The following WWOX variants were observed in gnomAD, a reference collection of about 807,000 sequenced individuals.
The protein encoded by WWOX is WW domain-containing oxidoreductase.
Under a neutral mutation model 46.2 loss-of-function variants are expected in WWOX, and 69 were observed. The ratio of observed to expected loss-of-function variants is 1.49; its 90% CI spans 1.23 to 1.82. The LOEUF (loss-of-function observed/expected upper bound fraction) is 1.82, where lower values mean the gene tolerates loss of function less well. WWOX is among the 40% of genes most tolerant of loss of function. The pLI is 0.00. For missense variants in WWOX, 919 were observed against 542.6 expected (o/e 1.69, Z -6.89); for synonymous variants, 359 against 202.6 (o/e 1.77, Z -6.56).
At chr16:78,462,242 C>CT (rs113100708) in intron 8 of WWOX, among the ~76,000 whole-genome samples, 3,506 of 146,926 alleles carry the variant, frequency 0.024, 69 homozygotes, top group African/African-American at 0.05. Context: ...TGCTCACGCT[C>CT]TTTTTTTTTT....
At chr16:78,838,808 A>C (rs942897838) in intron 8 of WWOX, among the ~76,000 whole-genome samples, 1 of 152,166 alleles carries the variant, frequency 6.6e-6, no homozygotes, top group Admixed American at 6.5e-5. Context: ...GTGCCCCTGT[A>C]CTCCAGCCTG....
At chr16:78,998,397 C>G (rs908290257) in intron 8 of WWOX, among the ~76,000 whole-genome samples, 4 of 152,176 alleles carry the variant, frequency 2.6e-5, no homozygotes, top group African/African-American at 9.7e-5. Flanking sequence ...AGCCTACTGC[C>G]TTCACAGAAG....
rs1407310755 is a variant in WWOX, at chr16:78,630,033, C to G, written c.1056+197281C>G. Among the ~76,000 whole-genome samples the G allele has an allele frequency of 2.6e-5, 4 of 152,176 alleles. No individual in the cohort carries two copies. In the East Asian group the frequency reaches 5.8e-4, roughly 22 times the overall value. On this transcript the variant is annotated intron_variant, in intron 8 of 8. Transcript: ENST00000566780. ...TTTTTCTCCTTAGCACTTACAATGTCTCACTCATGTAGACTCGAAGCTTCA... is the reference window on the plus strand; with the variant it reads ...TTTTTCTCCTTAGCACTTACAATGTGTCACTCATGTAGACTCGAAGCTTCA...
chr16:79,188,521 A>G (rs1273712643), intron 8 of WWOX, among the ~76,000 whole-genome samples: 1 of 152,200 alleles, frequency 6.6e-6, no homozygotes, highest in Admixed American at 6.5e-5. Context: ...ACAGATGACT[A>G]ATTGGAATGC....
intron 6 of WWOX, among the ~76,000 whole-genome samples, chr16:78,415,544 A>ATG (rs2082779917): frequency 6.6e-6 from 1 of 152,234 alleles, no homozygotes; most frequent in South Asian, 2.1e-4. Flanking sequence ...TCTGGTTTGA[A>ATG]TGCTTCTGAC....
At chr16:78,464,369 G>C (rs1332884475) in intron 8 of WWOX, among the ~76,000 whole-genome samples, 2 of 151,762 alleles carry the variant, frequency 1.3e-5, no homozygotes, top group South Asian at 2.1e-4. Context: ...GAGGGAAGGA[G>C]GCACAGAGGT....
At chr16:78,870,427 C>A (rs1365026189) in intron 8 of WWOX, among the ~76,000 whole-genome samples, 1 of 152,106 alleles carries the variant, frequency 6.6e-6, no homozygotes. Flanking sequence ...GCTTGAATGA[C>A]CTGCCATCAT....
chr16:78,658,653 C>T (rs1041169004), intron 8 of WWOX, among the ~76,000 whole-genome samples: 10 of 152,126 alleles, frequency 6.6e-5, no homozygotes, highest in African/African-American at 2.4e-4. Context: ...TCCGCCTCCG[C>T]CTTCACATGG....
At chr16:78,972,481 A>AAT (rs1555505505) in intron 8 of WWOX, among the ~76,000 whole-genome samples, 4 of 152,002 alleles carry the variant, frequency 2.6e-5, no homozygotes, top group African/African-American at 7.3e-5. Context: ...AAAAAAAAAA[A>AAT]AAATAAAAGA....
chr16:78,578,078 C>A (rs1202218055), intron 8 of WWOX, among the ~76,000 whole-genome samples: 2 of 151,422 alleles, frequency 1.3e-5, no homozygotes, highest in African/African-American at 4.9e-5. Flanking sequence ...CACTAGCCAC[C>A]TGCTTCCGAA....
chr16:78,338,321 G>C (rs4887955), intron 5 of WWOX, among the ~76,000 whole-genome samples: 27,495 of 120,698 alleles, frequency 0.23, 8,875 homozygotes, highest in African/African-American at 0.38. Flanking sequence ...ATTCCCAGCT[G>C]CTGAGAGTTT....
intron 8 of WWOX, among the ~76,000 whole-genome samples, chr16:78,682,764 C>G (rs28533957): frequency 0.098 from 14,847 of 152,200 alleles, 1,214 homozygotes; most frequent in African/African-American, 0.22. Context: ...CTCCCCTTCA[C>G]GGTAATTTGG....
At chr16:78,663,866 G>A (rs531427514) in intron 8 of WWOX, among the ~76,000 whole-genome samples, 15 of 152,282 alleles carry the variant, frequency 9.9e-5, no homozygotes, top group African/African-American at 3.4e-4. Flanking sequence ...AAACACACTC[G>A]ATGTGTTCAA....
intron 5 of WWOX, among the ~76,000 whole-genome samples, chr16:78,174,388 T>C (rs2035263728): frequency 6.6e-6 from 1 of 151,494 alleles, no homozygotes; most frequent in South Asian, 2.1e-4. Flanking sequence ...TTCAATTACC[T>C]CCCCCCGGGT....
intron 5 of WWOX, among the ~76,000 whole-genome samples, chr16:78,358,315 T>C (rs913269955): frequency 6.6e-6 from 1 of 152,212 alleles, no homozygotes; most frequent in Non-Finnish European, 1.5e-5. Flanking sequence ...AGAACTCTGC[T>C]AATGAATTAC....
chr16:78,907,430 A>G (rs1438791267), intron 8 of WWOX, among the ~76,000 whole-genome samples: 2 of 152,212 alleles, frequency 1.3e-5, no homozygotes, highest in African/African-American at 4.8e-5. Flanking sequence ...TCTTTAGCAG[A>G]ATTCAGGCTC....
intron 8 of WWOX, among the ~76,000 whole-genome samples, chr16:78,507,532 C>G (rs1361000378): frequency 6.6e-6 from 1 of 152,170 alleles, no homozygotes; most frequent in African/African-American, 2.4e-5. Flanking sequence ...AAAATACACG[C>G]AGAGAGACCC....
At chr16:79,175,154 A>G (rs2050775641) in intron 8 of WWOX, among the ~76,000 whole-genome samples, 1 of 152,236 alleles carries the variant, frequency 6.6e-6, no homozygotes. Context: ...AAAGTTGAAC[A>G]ACTCTGCCTT....
rs143295760 is a variant in WWOX at position 78,965,731 on chromosome 16, G to A, written c.1057-245877G>A. Among the ~76,000 whole-genome samples the A allele has an allele frequency of 5.9e-5, 9 of 152,230 alleles. No homozygotes were observed. The East Asian group carries it at 1.7e-3, about 29-fold the overall frequency. On this transcript the variant is annotated intron_variant, in intron 8 of 8. Coordinates refer to ENST00000566780, the MANE Select transcript of WWOX (RefSeq NM_016373.4). ...CTTTGCCCTTCCCGCATTGTGACTT[G>A]ATCCCATTTAAGCAGCAACCTCTGC... is the stretch of plus-strand genomic sequence containing the variant.
Sources: allele counts gnomAD v4.1 joint callset (sites outside exome capture counted in the v4.1 genomes callset), GRCh38; gene constraint gnomAD v4.1.1; transcripts MANE v1.5; gene names NCBI Gene and HGNC (gene_info 2026-07-23, HGNC 2026-07-21).